The following CMSS1 variants were observed in gnomAD, a reference collection of about 807,000 sequenced individuals.
The protein encoded by CMSS1 is protein CMSS1.
In CMSS1, 33 loss-of-function variants were observed where a neutral mutation model predicts 43.5. The observed-to-expected ratio is 0.76, with a 90% CI of 0.57 to 1.01. The LOEUF (loss-of-function observed/expected upper bound fraction) is 1.01. Among genes scored for constraint, CMSS1 ranks in the 50% least tolerant of loss-of-function variants. The pLI, the probability that CMSS1 is intolerant of heterozygous loss-of-function variation, is 0.00. For missense variants in CMSS1, 313 were observed against 326.4 expected (o/e 0.96, Z 0.32); for synonymous variants, 115 against 117.2 (o/e 0.98, Z 0.12).
At chr3:99,854,732 T>C (rs1323435924) in intron 1 of CMSS1, among the ~76,000 whole-genome samples, 1 of 152,178 alleles carries the variant, frequency 6.6e-6, no homozygotes, top group African/African-American at 2.4e-5. Flanking sequence ...TGCATGTGTA[T>C]GTTTGTGGCA....
chr3:100,109,903 A>ACCGCCCCC (rs1491348077), intron 1 of CMSS1: 1 of 72,322 alleles, frequency 1.4e-5, no homozygotes, highest in African/African-American at 5.7e-5. Flanking sequence ...TTCTTTTATG[A>ACCGCCCCC]CCCCCCCCCC....
intron 1 of CMSS1, among the ~76,000 whole-genome samples, chr3:99,905,512 C>T (rs1024099961): frequency 1.3e-5 from 2 of 152,228 alleles, no homozygotes; most frequent in African/African-American, 4.8e-5. Flanking sequence ...CATCTTATAG[C>T]ATAATCATTA....
chr3:99,829,155 G>T (rs1322915438), intron 1 of CMSS1, among the ~76,000 whole-genome samples: 1 of 152,176 alleles, frequency 6.6e-6, no homozygotes, highest in African/African-American at 2.4e-5. Context: ...CCTTAACCAT[G>T]AGGATTTCTT....
chr3:100,141,985 G>C (rs1576099950), intron 1 of CMSS1, among the ~76,000 whole-genome samples: 1 of 152,244 alleles, frequency 6.6e-6, no homozygotes, highest in South Asian at 2.1e-4. Context: ...GGAAATCACA[G>C]AACTAGCATC....
intron 1 of CMSS1, among the ~76,000 whole-genome samples, chr3:100,029,095 G>A (rs977610253): frequency 6.6e-6 from 1 of 152,060 alleles, no homozygotes; most frequent in Non-Finnish European, 1.5e-5. Flanking sequence ...GGGAGCTGAG[G>A]CAGAAGGATT....
At chr3:99,850,483 T>C (rs768817482) in intron 1 of CMSS1, 2 of 1,613,662 alleles carry the variant, frequency 1.2e-6, no homozygotes, top group Middle Eastern at 1.6e-4. Context: ...CTTATTGAGA[T>C]CTCTGCACTG....
intron 1 of CMSS1, among the ~76,000 whole-genome samples, chr3:100,006,769 A>T (rs1163266991): frequency 6.6e-6 from 1 of 152,190 alleles, no homozygotes; most frequent in Non-Finnish European, 1.5e-5. Flanking sequence ...GTTTTGAATC[A>T]GATAAGTAAA....
intron 1 of CMSS1, among the ~76,000 whole-genome samples, chr3:99,945,888 G>A (rs988474352): frequency 5.3e-5 from 8 of 152,356 alleles, no homozygotes; most frequent in African/African-American, 1.9e-4. Context: ...GCCAGTGGGA[G>A]AAGCCCTTGG....
At chr3:100,135,424 TTGTG>T (rs1274217551) in intron 1 of CMSS1, among the ~76,000 whole-genome samples, 38 of 137,964 alleles carry the variant, frequency 2.8e-4, no homozygotes, top group African/African-American at 1.0e-3. Context: ...TGAGGAGCCT[TTGTG>T]TGTGTGTGCA....
chr3:99,908,685 T>C (rs747902552), intron 1 of CMSS1, among the ~76,000 whole-genome samples: 1 of 152,216 alleles, frequency 6.6e-6, no homozygotes, highest in Non-Finnish European at 1.5e-5. Flanking sequence ...TTACCTCCTT[T>C]AAAAGGTTGT....
intron 1 of CMSS1, among the ~76,000 whole-genome samples, chr3:99,842,490 A>G (rs1943177316): frequency 8.3e-6 from 1 of 119,842 alleles, no homozygotes; most frequent in African/African-American, 3.6e-5. Context: ...TGAAATAAAT[A>G]AATTAAAACA....
intron 1 of CMSS1, among the ~76,000 whole-genome samples, chr3:99,924,837 A>G (rs977414144): frequency 5.3e-5 from 8 of 152,004 alleles, no homozygotes; most frequent in African/African-American, 1.9e-4. Flanking sequence ...TGGGTTTTTT[A>G]TCTCCTTGTT....
intron 1 of CMSS1, among the ~76,000 whole-genome samples, chr3:99,859,832 A>G (rs1005445561): frequency 6.6e-6 from 1 of 152,116 alleles, no homozygotes; most frequent in Non-Finnish European, 1.5e-5. Context: ...TTTCTATGGG[A>G]CTTTTCACTG....
chr3:100,071,562 G>T (rs978135332), intron 1 of CMSS1, among the ~76,000 whole-genome samples: 1 of 152,182 alleles, frequency 6.6e-6, no homozygotes, highest in Non-Finnish European at 1.5e-5. Flanking sequence ...TGGGTCTTCT[G>T]TCCTACTGGT....
At position 99,905,837 on chromosome 3, in the gene CMSS1, C is replaced by A. The variant is rs371934587; in HGVS notation, c.64+87794C>A. Among the ~76,000 whole-genome samples, 8 of 152,198 alleles carry A rather than the reference C, an allele frequency of 5.3e-5. No homozygotes were observed. The East Asian group carries it at 9.6e-4, about 18-fold the overall frequency. On this transcript the variant is annotated intron_variant, in intron 1 of 9. Transcript: ENST00000421999. ...TTCATATAAATGGAATTTACATTGCCATCAGAAATGTATGCAAACTCTAGT... is the reference window on the plus strand; with the variant it reads ...TTCATATAAATGGAATTTACATTGCAATCAGAAATGTATGCAAACTCTAGT...
chr3:100,022,655 G>A (rs1192243472), intron 1 of CMSS1, among the ~76,000 whole-genome samples: 1 of 152,184 alleles, frequency 6.6e-6, no homozygotes, highest in Non-Finnish European at 1.5e-5. Flanking sequence ...AAAAGAAAGA[G>A]GGAGATTCCA....
chr3:100,088,186 C>G (rs1424242150), intron 1 of CMSS1, among the ~76,000 whole-genome samples: 1 of 152,098 alleles, frequency 6.6e-6, no homozygotes, highest in African/African-American at 2.4e-5. Flanking sequence ...AATTTGGGAG[C>G]TTGCTGGGAT....
At chr3:99,897,216 G>C (rs553844698) in intron 1 of CMSS1, among the ~76,000 whole-genome samples, 65 of 152,098 alleles carry the variant, frequency 4.3e-4, no homozygotes, top group African/African-American at 1.5e-3. Flanking sequence ...AAAATTAACC[G>C]GGTGTTGTGG....
intron 2 of CMSS1, among the ~76,000 whole-genome samples, chr3:100,160,086 AATCAC>A (rs1205831448): frequency 6.6e-6 from 1 of 152,204 alleles, no homozygotes; most frequent in Non-Finnish European, 1.5e-5. Flanking sequence ...TCTTAATTTT[AATCAC>A]ATCGATTTCT....
Sources: allele counts gnomAD v4.1 joint callset (sites outside exome capture counted in the v4.1 genomes callset), GRCh38; gene constraint gnomAD v4.1.1; transcripts MANE v1.5; gene names NCBI Gene and HGNC (gene_info 2026-07-23, HGNC 2026-07-21).